The following MARCHF10 variants were observed in gnomAD, a reference collection of about 807,000 sequenced individuals.
MARCHF10 encodes the protein membrane associated ring-CH-type finger 10.
A neutral mutation model predicts 76.2 loss-of-function variants in MARCHF10; 64 were observed. The ratio of observed to expected loss-of-function variants is 0.84; its 90% CI spans 0.69 to 1.03. The LOEUF (loss-of-function observed/expected upper bound fraction) is 1.03, where lower values mean the gene tolerates loss of function less well. Ranked by LOEUF, MARCHF10 falls within the 50% of genes least tolerant of loss-of-function variation. The pLI is 0.00. For synonymous variants in MARCHF10, 340 were observed against 357.5 expected (o/e 0.95, Z 0.55); for missense variants, 875 against 958.0 (o/e 0.91, Z 1.14).
rs565429371 is a variant in MARCHF10 at position 62,761,256 on chromosome 17, C to T, written c.211-1250G>A. Among the ~76,000 whole-genome samples the T allele has an allele frequency of 5.3e-5, 8 of 152,240 alleles. No individual in the cohort carries two copies. The East Asian group carries it at 7.7e-4, about 15-fold the overall frequency. On this transcript the variant is annotated intron_variant, in intron 3 of 10. Coordinates refer to ENST00000311269, the MANE Select transcript of MARCHF10 (RefSeq NM_152598.4). ...TTCAAACAAATAATTCTTGTTTCTC[C>T]GCACAATTTCAGAAAACAGACCACC...
Position 62,752,476 on chromosome 17 carries a change from C to T in MARCHF10, c.382+7359G>A, listed in dbSNP as rs912327817. ...CCCACCCTCTCCTTGCTTCCTCAGC[C>T]TTGGCAGAGGCAACCTCCACTGACC... On this transcript the variant is annotated intron_variant, in intron 4 of 10. Transcript: ENST00000311269. 2.6e-5 allele frequency among the ~76,000 whole-genome samples: 4 copies of T among 152,150 alleles called. No homozygotes were observed. In the South Asian group the frequency reaches 8.3e-4, roughly 32 times the overall value.
rs2091300058 is a variant in MARCHF10 at position 62,737,022 on chromosome 17, C to CA, written c.845dup (p.Leu282PhefsTer9). The CA allele has an allele frequency of 6.2e-7, 1 of 1,614,042 alleles. No individual in the cohort carries two copies. Among genetic ancestry groups the CA allele is most frequent in the African/African-American group, 1.3e-5 (1 of 74,920 alleles). Reference sequence around the variant, plus strand: ...TGTCATCGCTTTCTCTTCTGCTGTTCAATGACAAAATGGAATAAAAGTCTT... The same window carrying CA: ...TGTCATCGCTTTCTCTTCTGCTGTTCAAATGACAAAATGGAATAAAAGTCTT... On this transcript the variant is annotated frameshift_variant, in exon 6 of 11. Transcript: ENST00000311269. LOFTEE classifies it high-confidence loss of function.
In MARCHF10 at chr17:62,736,372, G is replaced by C. The variant is rs1568132466; in HGVS notation, c.1496C>G (p.Ser499Ter). 6.2e-7 allele frequency: 1 copy of C among 1,614,086 alleles called. No individual in the cohort carries two copies. Among genetic ancestry groups the C allele is most frequent in the African/African-American group, 1.3e-5 (1 of 74,920 alleles). ...AAACCCTGAGTTTCCCTCTGAGTCT[G>C]AGCTGTGAACTGAAGTCGATGACAT... ...LSMSSTSVHSSDSEGNSGFHV... is the reference protein window; with the variant it reads ...LSMSSTSVHS Residue 499 changes from serine (S) to a stop codon, truncating the protein, a stop_gained, in exon 6 of 11, where the codon TCA (serine) becomes TGA (stop). Coordinates refer to ENST00000311269, the MANE Select transcript of MARCHF10 (RefSeq NM_152598.4). LOFTEE classifies it high-confidence loss of function.
intron 8 of MARCHF10, among the ~76,000 whole-genome samples, chr17:62,721,277 A>C (rs137984392): frequency 6.6e-6 from 1 of 152,120 alleles, no homozygotes. Flanking sequence ...AAACGAAGTG[A>C]CAACTTCAAA....
At chr17:62,754,088 G>A (rs758298013) in intron 4 of MARCHF10, among the ~76,000 whole-genome samples, 2 of 151,956 alleles carry the variant, frequency 1.3e-5, no homozygotes. Context: ...TGTTGTTGTT[G>A]TCGAGACATG....
intron 9 of MARCHF10, among the ~76,000 whole-genome samples, chr17:62,706,824 C>G (rs1174887239): frequency 6.6e-6 from 1 of 152,162 alleles, no homozygotes; most frequent in South Asian, 2.1e-4. Flanking sequence ...AGCCAGGACA[C>G]GGGGGATGGG....
chr17:62,713,372 C>T (rs1182481521), intron 8 of MARCHF10, among the ~76,000 whole-genome samples: 2 of 152,192 alleles, frequency 1.3e-5, no homozygotes, highest in Non-Finnish European at 2.9e-5. Context: ...TTTTATGACT[C>T]AATAAGGCCC....
intron 3 of MARCHF10, among the ~76,000 whole-genome samples, chr17:62,775,246 C>T (rs2092529143): frequency 6.6e-6 from 1 of 150,908 alleles, no homozygotes; most frequent in South Asian, 2.1e-4. Flanking sequence ...CTGCTTTAGC[C>T]TCCCGAGTAG....
Position 62,701,655 on chromosome 17 carries a change from AG to A in MARCHF10, c.*47del. 1 of 1,613,456 alleles carries A rather than the reference AG, an allele frequency of 6.2e-7. No homozygotes were observed. The highest frequency in any genetic ancestry group is 8.5e-7 in the Non-Finnish European group (1 of 1,179,884). ...GGAGGCACTTGGGGACGTAGAAAGA[AG>A]GGCTGGCGGGAGAGGTCTCCGCCGA... On this transcript the variant is annotated 3_prime_UTR_variant, in exon 11 of 11. Coordinates refer to ENST00000311269, the MANE Select transcript of MARCHF10 (RefSeq NM_152598.4).
At chr17:62,717,935 G>A (rs1466842869) in intron 8 of MARCHF10, among the ~76,000 whole-genome samples, 1 of 152,160 alleles carries the variant, frequency 6.6e-6, no homozygotes, top group African/African-American at 2.4e-5. Flanking sequence ...GTGGGGCCGA[G>A]GATATGGATG....
intron 3 of MARCHF10, among the ~76,000 whole-genome samples, chr17:62,772,175 G>A (rs1211792573): frequency 6.6e-6 from 1 of 152,178 alleles, no homozygotes; most frequent in Non-Finnish European, 1.5e-5. Context: ...TCATGGGAGG[G>A]ACCCGGTGGG....
chr17:62,727,571 T>C (rs2090823169), intron 6 of MARCHF10, among the ~76,000 whole-genome samples: 1 of 152,088 alleles, frequency 6.6e-6, no homozygotes, highest in Admixed American at 6.5e-5. Flanking sequence ...ACATACTGTT[T>C]TATAGAATTG....
At chr17:62,737,636 G>A (rs1175186928) in intron 5 of MARCHF10, 8 of 348,412 alleles carry the variant, frequency 2.3e-5, no homozygotes, top group Non-Finnish European at 3.6e-5. Flanking sequence ...CTGATGATGC[G>A]CAAACCTCAC....
intron 4 of MARCHF10, among the ~76,000 whole-genome samples, chr17:62,747,672 G>A (rs1011803132): frequency 6.6e-6 from 1 of 152,166 alleles, no homozygotes; most frequent in Non-Finnish European, 1.5e-5. Flanking sequence ...ATAATAATGG[G>A]AAATCTGAAG....
intron 3 of MARCHF10, among the ~76,000 whole-genome samples, chr17:62,770,249 C>A (rs2092417520): frequency 6.6e-6 from 1 of 152,140 alleles, no homozygotes; most frequent in Non-Finnish European, 1.5e-5. Context: ...TGTACTACAT[C>A]TTCTTTATCC....
At position 62,737,015 on chromosome 17, in the gene MARCHF10, T is replaced by C. The variant is rs2091299402; in HGVS notation, c.853A>G (p.Arg285Gly). 1 of 1,614,204 alleles carries C rather than the reference T, an allele frequency of 6.2e-7. No individual in the cohort carries two copies. The highest frequency in any genetic ancestry group is 1.1e-5 in the South Asian group (1 of 91,070). The change falls in exon 6 of 11, where the codon AGA becomes GGA. Residue 285 changes from arginine (R) to glycine (G), a missense_variant. Coordinates refer to ENST00000311269, the MANE Select transcript of MARCHF10 (RefSeq NM_152598.4). ...TCTTCAGTGTCATCGCTTTCTCTTC[T>C]GCTGTTCAATGACAAAATGGAATAA... Reference protein sequence around the residue: ...DFYSILSLNSRRESDDTEEET... With the variant: ...DFYSILSLNSGRESDDTEEET...
rs1305641433 is a variant in MARCHF10, at chr17:62,711,949, G to C, written c.2215-605C>G. On this transcript the variant is annotated intron_variant, in intron 8 of 10. Coordinates refer to ENST00000311269, the MANE Select transcript of MARCHF10 (RefSeq NM_152598.4). This position sits in a 1 kb window ranked among gnomAD's most constrained non-coding sequence, Gnocchi z 4.4. The stretch of plus-strand genomic sequence containing the variant: ...TGTTAACGTTTCCGCTTTCTCTTGA[G>C]GAGTGGGCTGTGCTTTTTTTCTCGC... Among the ~76,000 whole-genome samples the C allele has an allele frequency of 6.6e-6, 1 of 152,196 alleles. No homozygotes were observed. The highest frequency in any genetic ancestry group is 2.4e-5 in the African/African-American group (1 of 41,456).
chr17:62,771,826 C>T (rs1400684836), intron 3 of MARCHF10, among the ~76,000 whole-genome samples: 1 of 152,178 alleles, frequency 6.6e-6, no homozygotes. Flanking sequence ...ATCTGCCAGC[C>T]TCGGCCTCCC....
chr17:62,736,866 T>A lies in MARCHF10; in HGVS notation c.1002A>T (p.Glu334Asp), dbSNP rs763879015. Reference protein sequence around the residue: ...TPQAKNKNFEENAENCRGHSS... With the variant: ...TPQAKNKNFEDNAENCRGHSS... Reference sequence around the variant, plus strand: ...AATGACCTCTGCAATTTTCAGCATTTTCTTCAAAATTTTTATTTTTGGCCT... The same window carrying A: ...AATGACCTCTGCAATTTTCAGCATTATCTTCAAAATTTTTATTTTTGGCCT... Residue 334 changes from glutamate (E) to aspartate (D), a missense_variant, in exon 6 of 11, where the codon GAA (glutamate) becomes GAT (aspartate). By Grantham distance (45) the Glu-to-Asp change is conservative. Transcript: ENST00000311269. 1 of 1,613,962 alleles carries A rather than the reference T, an allele frequency of 6.2e-7. No individual in the cohort carries two copies. Among genetic ancestry groups the A allele is most frequent in the Non-Finnish European group, 8.5e-7 (1 of 1,179,886 alleles).
Sources: gnomAD v4.1 joint callset for allele counts (sites outside exome capture counted in the v4.1 genomes callset) on GRCh38, gnomAD v4.1.1 for gene constraint, Gnocchi (gnomAD v3.1) non-coding constraint, MANE v1.5 for transcripts, NCBI Gene and HGNC (gene_info 2026-07-23, HGNC 2026-07-21) for gene names.